Variants in NIPSNAP1 observed in about 807,000 individuals in gnomAD.
NIPSNAP1 encodes protein NipSnap homolog 1.
A neutral mutation model predicts 49.2 loss-of-function variants in NIPSNAP1; 25 were observed. The observed-to-expected ratio is 0.51, with a 90% CI of 0.37 to 0.71. The LOEUF is 0.71. Among genes scored for constraint, NIPSNAP1 ranks in the 30% least tolerant of loss-of-function variants. The pLI is 0.00. For synonymous variants in NIPSNAP1, 143 were observed against 140.7 expected (o/e 1.02, Z -0.12); for missense variants, 294 against 361.0 (o/e 0.81, Z 1.50).
rs370714358 is a variant in NIPSNAP1, at chr22:29,581,064, T to A, written c.19A>T (p.Ser7Cys). ...AGCCGCCGCGCCGTCACAGAGATGCTGCACAGCCGCGGAGCCATGTTGGAG... is the reference window on the plus strand; with the variant it reads ...AGCCGCCGCGCCGTCACAGAGATGCAGCACAGCCGCGGAGCCATGTTGGAG... MAPRLC[S>C]ISVTARRLLG... Residue 7 changes from serine to cysteine, a missense_variant, in exon 1 of 10, where the codon AGC (serine) becomes TGC (cysteine). Transcript: ENST00000216121. 2.6e-6 allele frequency: 4 copies of A among 1,541,600 alleles called. No individual in the cohort carries two copies. Among genetic ancestry groups the A allele is most frequent in the Non-Finnish European group, 3.5e-6 (4 of 1,146,090 alleles).
chr22:29,571,705 CCTTTTTT>C (rs1213563938), intron 1 of NIPSNAP1, among the ~76,000 whole-genome samples: 2 of 152,204 alleles, frequency 1.3e-5, no homozygotes, highest in Non-Finnish European at 2.9e-5. Context: ...AAGCCTTATC[CCTTTTTT>C]CTTTTTTCTC....
At position 29,569,387 on chromosome 22, in the gene NIPSNAP1, C is replaced by T. The variant is rs968115060; in HGVS notation, c.273-100G>A. On this transcript the variant is annotated intron_variant, in intron 3 of 9. Transcript: ENST00000216121. ...TCAAACAGACCCTGGGGCTGGGCCT[C>T]AGACTCTCCATCTCTAAAATGCAGA... 31 of 838,426 alleles carry T rather than the reference C, an allele frequency of 3.7e-5. No individual in the cohort carries two copies. In the Middle Eastern group the frequency reaches 6.6e-4, roughly 18 times the overall value. 51.9% of individuals were successfully genotyped at this position (838,426 alleles called of 1,614,324 possible).
At chr22:29,568,524 G>A (rs1434830844) in intron 4 of NIPSNAP1, among the ~76,000 whole-genome samples, 4 of 150,932 alleles carry the variant, frequency 2.7e-5, no homozygotes, top group Non-Finnish European at 5.9e-5. Flanking sequence ...CGGGTGCGGT[G>A]GCTCACACCT....
At position 29,556,011 on chromosome 22, in the gene NIPSNAP1, G is replaced by C. The variant is rs1051957242; in HGVS notation, c.791-12C>G. ...TCGCACCAGGGGGACTGCGGAGAGA[G>C]AAGGCAGAGGTCACACAGGGGGCTC... On this transcript the variant is annotated splice_polypyrimidine_tract_variant and intron_variant, in intron 9 of 9. Coordinates refer to ENST00000216121, the MANE Select transcript of NIPSNAP1 (RefSeq NM_003634.4). 7 of 1,543,486 alleles carry C rather than the reference G, an allele frequency of 4.5e-6. No homozygotes were observed. In the African/African-American group the frequency reaches 7.0e-5, roughly 16 times the overall value.
At position 29,555,881 on chromosome 22, in the gene NIPSNAP1, G is replaced by T. The variant is rs2064290267; in HGVS notation, c.*54C>A. The T allele has an allele frequency of 6.7e-7, 1 of 1,495,276 alleles. No homozygotes were observed. Among genetic ancestry groups the T allele is most frequent in the Non-Finnish European group, 9.1e-7 (1 of 1,095,456 alleles). 92.6% of individuals were successfully genotyped at this position (1,495,276 alleles called of 1,614,324 possible). A position where few individuals can be genotyped will look rare whatever the true frequency, so the allele number is the denominator to read the frequency against. ...AGACAGCAGGACCAGGAGTGCCACT[G>T]TCTGTCGGGGTTGCCTGAGGGAGAA... On this transcript the variant is annotated 3_prime_UTR_variant, in exon 10 of 10. Coordinates refer to ENST00000216121, the MANE Select transcript of NIPSNAP1 (RefSeq NM_003634.4).
intron 9 of NIPSNAP1, among the ~76,000 whole-genome samples, chr22:29,557,493 T>A (rs1049893072): frequency 2.6e-5 from 4 of 152,004 alleles, no homozygotes; most frequent in Non-Finnish European, 5.9e-5. Flanking sequence ...AATGGCACAA[T>A]CATGGCTCCC....
intron 4 of NIPSNAP1, among the ~76,000 whole-genome samples, chr22:29,567,715 G>C (rs550907426): frequency 3.9e-5 from 6 of 152,148 alleles, no homozygotes; most frequent in African/African-American, 1.4e-4. Context: ...AATTAGTTGG[G>C]CATTGTGGCA....
rs2064308975 is a variant in NIPSNAP1, at chr22:29,558,155, C to G, written c.790+715G>C. 2.0e-5 allele frequency among the ~76,000 whole-genome samples: 3 copies of G among 152,124 alleles called. 1 individual carries two copies. In the South Asian group the frequency reaches 6.2e-4, roughly 31 times the overall value. ...CTGCATGCTTCCTTTGTGACAGACA[C>G]TGGAGAAAGCACTTTTCATAAATGA... On this transcript the variant is annotated intron_variant, in intron 9 of 9. Coordinates refer to ENST00000216121, the MANE Select transcript of NIPSNAP1 (RefSeq NM_003634.4).
Position 29,561,793 on chromosome 22 carries a change from T to G in NIPSNAP1, c.437A>C (p.Lys146Thr). Residue 146 changes from lysine (K) to threonine (T), a missense_variant and splice_region_variant, in exon 5 of 10, where the codon AAG (lysine) becomes ACG (threonine). Coordinates refer to ENST00000216121, the MANE Select transcript of NIPSNAP1 (RefSeq NM_003634.4). The part of the protein sequence containing the change: ...MDCMNKLKNN[K>T]EYLEFRRERS... ...TGTGCTGAGTGGACACTAACATACC[T>G]TATTGTTTTTGAGCTTGTTCATGCA... 1 of 1,614,030 alleles carries G rather than the reference T, an allele frequency of 6.2e-7. No individual in the cohort carries two copies. Among genetic ancestry groups the G allele is most frequent in the Non-Finnish European group, 8.5e-7 (1 of 1,179,984 alleles).
At chr22:29,577,121 C>T (rs2064458783) in intron 1 of NIPSNAP1, among the ~76,000 whole-genome samples, 5 of 150,800 alleles carry the variant, frequency 3.3e-5, no homozygotes, top group Admixed American at 3.3e-4. Flanking sequence ...CAGGGTCTCA[C>T]TCTGTCACCC....
chr22:29,561,723 G>C, intron 5 of NIPSNAP1, 69 bp downstream of exon 5: 1 of 1,613,332 alleles, frequency 6.2e-7, no homozygotes, highest in Non-Finnish European at 8.5e-7. Flanking sequence ...GGGTAGCAGA[G>C]TAGTCCCCAG....
Position 29,569,201 on chromosome 22 carries a change from T to G in NIPSNAP1, c.359A>C (p.Asp120Ala). The part of the protein sequence containing the change: ...GNWNTWYGEQ[D>A]QAVHLWRFSG... ...GGAGGTGAGCGCCTTACCTGCCTGG[T>G]CCTGCTCCCCATACCACGTGTTCCA... is the stretch of plus-strand genomic sequence containing the variant. The change falls in exon 4 of 10, where the codon GAC becomes GCC. Residue 120 changes from aspartate (D) to alanine (A), a missense_variant. Coordinates refer to ENST00000216121, the MANE Select transcript of NIPSNAP1 (RefSeq NM_003634.4). The G allele has an allele frequency of 6.2e-7, 1 of 1,613,936 alleles. No individual in the cohort carries two copies.
chr22:29,574,549 C>T (rs1360120443), intron 1 of NIPSNAP1, among the ~76,000 whole-genome samples: 5 of 152,030 alleles, frequency 3.3e-5, no homozygotes, highest in African/African-American at 1.2e-4. Context: ...GAGGCCGAGG[C>T]GGGCGGATTG....
Position 29,573,882 on chromosome 22 carries a change from C to T in NIPSNAP1, c.99-3350G>A, listed in dbSNP as rs557367269. On this transcript the variant is annotated intron_variant, in intron 1 of 9. Coordinates refer to ENST00000216121, the MANE Select transcript of NIPSNAP1 (RefSeq NM_003634.4). ...TGAACCCAGGAGGCGTAGGTTGCAG[C>T]AAGCTGAGATCGGGCCACTGCACTC... 3.3e-5 allele frequency among the ~76,000 whole-genome samples: 5 copies of T among 150,450 alleles called. No individual in the cohort carries two copies. The South Asian group carries it at 1.1e-3, about 32-fold the overall frequency.
At chr22:29,558,805 C>G in intron 9 of NIPSNAP1, 65 bp downstream of exon 9, 1 of 1,202,360 alleles carries the variant, frequency 8.3e-7, no homozygotes, top group Non-Finnish European at 1.2e-6. Flanking sequence ...ACTAGATCTC[C>G]TTGCAGAGAG....
Position 29,562,417 on chromosome 22 carries a change from A to G in NIPSNAP1, c.368-555T>C, listed in dbSNP as rs2064341880. On this transcript the variant is annotated intron_variant, in intron 4 of 9. Coordinates refer to ENST00000216121, the MANE Select transcript of NIPSNAP1 (RefSeq NM_003634.4). ...ATGCATCACCTCTTAATGGCGACTT[A>G]AGAGATTGACAGTAGACCAGGCGCA... is the stretch of plus-strand genomic sequence containing the variant. Among the ~76,000 whole-genome samples, 3 of 152,334 alleles carry G rather than the reference A, an allele frequency of 2.0e-5. No homozygotes were observed. In the South Asian group the frequency reaches 6.2e-4, roughly 32 times the overall value.
At position 29,560,724 on chromosome 22, in the gene NIPSNAP1, C is replaced by T. The variant is rs2064329214; in HGVS notation, c.706+10G>A. 1 of 1,613,212 alleles carries T rather than the reference C, an allele frequency of 6.2e-7. No homozygotes were observed. Among genetic ancestry groups the T allele is most frequent in the Non-Finnish European group, 8.5e-7 (1 of 1,179,240 alleles). The stretch of plus-strand genomic sequence containing the variant: ...ACTAACAAAAGGCTCCTGGAAGGTC[C>T]TCAACCTACCCCAGAGATGGTGCAC... On this transcript the variant is annotated intron_variant, in intron 8 of 9. Coordinates refer to ENST00000216121, the MANE Select transcript of NIPSNAP1 (RefSeq NM_003634.4).
At chr22:29,561,442 G>C (rs2064334684) in intron 6 of NIPSNAP1, 64 bp downstream of exon 6, 2 of 1,607,718 alleles carry the variant, frequency 1.2e-6, no homozygotes, top group South Asian at 2.2e-5. Context: ...TGTTGGGGCA[G>C]CTGCAAAGCA....
intron 9 of NIPSNAP1, among the ~76,000 whole-genome samples, chr22:29,557,087 A>G (rs1412358262): frequency 6.6e-6 from 1 of 151,644 alleles, no homozygotes; most frequent in Non-Finnish European, 1.5e-5. Flanking sequence ...GGGGATGCCA[A>G]TACTGTCAGT....
Sources: gnomAD v4.1 joint callset for allele counts (sites outside exome capture counted in the v4.1 genomes callset) on GRCh38, gnomAD v4.1.1 for gene constraint, MANE v1.5 for transcripts, NCBI Gene and HGNC (gene_info 2026-07-23, HGNC 2026-07-21) for gene names.